EIF4G3: variants seen among roughly 807,000 people sequenced by gnomAD.
EIF4G3 encodes eIF-4-gamma 3.
In EIF4G3, 34 loss-of-function variants were observed where a neutral mutation model predicts 186.4. The observed-to-expected ratio is 0.18, with a 90% CI of 0.14 to 0.24. EIF4G3 has a LOEUF of 0.24. Among genes scored for constraint, EIF4G3 ranks in the 10% least tolerant of loss-of-function variants. The pLI, the probability that EIF4G3 is intolerant of heterozygous loss-of-function variation, is 1.00. For missense variants in EIF4G3, 1,536 were observed against 1,948.5 expected, an observed-to-expected ratio of 0.79 and a Z score of 3.99; for synonymous variants, 673 against 679.5, an observed-to-expected ratio of 0.99 and a Z score of 0.15.
intron 2 of EIF4G3, among the ~76,000 whole-genome samples, chr1:21,106,909 T>C (rs947949969): frequency 1.3e-5 from 2 of 152,182 alleles, no homozygotes; most frequent in Non-Finnish European, 2.9e-5. Flanking sequence ...TACACTCTAC[T>C]GTTGACACAT....
intron 2 of EIF4G3, among the ~76,000 whole-genome samples, chr1:21,137,720 C>G (rs994350700): frequency 2.7e-5 from 4 of 150,748 alleles, no homozygotes; most frequent in Non-Finnish European, 4.4e-5. Context: ...ACTCAGGAAG[C>G]TGAAGTGGGA....
At chr1:20,811,705 T>C (rs890430158) in intron 35 of EIF4G3, among the ~76,000 whole-genome samples, 2 of 152,214 alleles carry the variant, frequency 1.3e-5, no homozygotes, top group East Asian at 1.9e-4. Context: ...AGTGAGGTGA[T>C]AGATATGTTA....
chr1:21,122,957 G>A (rs967099678), intron 2 of EIF4G3, among the ~76,000 whole-genome samples: 4 of 152,126 alleles, frequency 2.6e-5, no homozygotes, highest in Admixed American at 2.6e-4. Flanking sequence ...TACACGGTTG[G>A]AACATGAATG....
At chr1:20,994,670 C>G (rs12131353) in intron 7 of EIF4G3, among the ~76,000 whole-genome samples, 48,206 of 146,110 alleles carry the variant, frequency 0.33, 8,669 homozygotes, top group Non-Finnish European at 0.41. Context: ...ACTCTTTCAC[C>G]CAGGCTGAGT....
chr1:21,135,434 G>A (rs141574114), intron 2 of EIF4G3, among the ~76,000 whole-genome samples: 1 of 152,236 alleles, frequency 6.6e-6, no homozygotes, highest in Non-Finnish European at 1.5e-5. Context: ...CTGGGAGGCA[G>A]AGGTTGCAAT....
chr1:20,958,141 A>C (rs558637680), intron 12 of EIF4G3, among the ~76,000 whole-genome samples: 1 of 152,324 alleles, frequency 6.6e-6, no homozygotes, highest in Admixed American at 6.5e-5. Flanking sequence ...CAGATATAAA[A>C]ACTGTCAACA....
At chr1:21,062,277 T>A (rs1423150219) in intron 3 of EIF4G3, among the ~76,000 whole-genome samples, 2 of 150,806 alleles carry the variant, frequency 1.3e-5, no homozygotes, top group African/African-American at 4.9e-5. Flanking sequence ...CCAGGCTGGC[T>A]TCAAACTCCT....
intron 21 of EIF4G3, 52 bp downstream of exon 21, chr1:20,865,064 A>G (rs1571883851): frequency 1.2e-6 from 2 of 1,601,488 alleles, no homozygotes; most frequent in Non-Finnish European, 8.5e-7. Flanking sequence ...TGAAATTTCT[A>G]CTTTACAGTG....
intron 35 of EIF4G3, 117 bp downstream of exon 35, chr1:20,813,041 G>T: frequency 1.4e-6 from 1 of 695,956 alleles, no homozygotes; most frequent in Non-Finnish European, 2.5e-6. Flanking sequence ...ACAGTGCACA[G>T]AAAAGTGAGC....
chr1:20,874,522 G>A (rs958227172), intron 20 of EIF4G3, among the ~76,000 whole-genome samples: 1 of 151,946 alleles, frequency 6.6e-6, no homozygotes, highest in African/African-American at 2.4e-5. Context: ...ATCACCCAGT[G>A]GATTTTCATT....
At position 20,808,326 on chromosome 1, in the gene EIF4G3, C is replaced by T. The variant is rs1490021851; in HGVS notation, c.4745-826G>A. On this transcript the variant is annotated intron_variant, in intron 36 of 36. Transcript: ENST00000602326. ...CTGCAAGTTTACTGTATTATTTTTA[C>T]AAAATTTGGGGGAAGGGAGAAAGGC... Among the ~76,000 whole-genome samples, 4 of 151,900 alleles carry T rather than the reference C, an allele frequency of 2.6e-5. No individual in the cohort carries two copies. The East Asian group carries it at 7.7e-4, about 29-fold the overall frequency.
At chr1:20,827,872 A>G (rs1191172164) in intron 31 of EIF4G3, among the ~76,000 whole-genome samples, 174 bp from the exon 32 acceptor site, 1 of 152,026 alleles carries the variant, frequency 6.6e-6, no homozygotes, top group Non-Finnish European at 1.5e-5. Flanking sequence ...CTGAAAAGGT[A>G]CATGTGAGTT....
At chr1:21,071,934 CA>C (rs1265219053) in intron 3 of EIF4G3, among the ~76,000 whole-genome samples, 2 of 151,960 alleles carry the variant, frequency 1.3e-5, no homozygotes, top group Non-Finnish European at 2.9e-5. Flanking sequence ...CATAAAGTGA[CA>C]ATAATCTACA....
In EIF4G3 at chr1:20,865,232, T is replaced by C. The variant is rs764637532; in HGVS notation, c.2653A>G (p.Asn885Asp). The part of the protein sequence containing the change: ...LKVPMADKPG[N>D]TVNFRKLLLN... The stretch of plus-strand genomic sequence containing the variant: ...AGCAGCTTCCGGAAATTCACTGTGT[T>C]ACCAGGCTTGTCTGCCATGGGTACT... The change falls in exon 21 of 37, where the codon AAC becomes GAC. Residue 885 changes from asparagine (N) to aspartate (D), a missense_variant. By Grantham distance (23) the Asn-to-Asp change is conservative. This residue lies in a region of EIF4G3 where 77 missense variants were observed against 131.6 expected (regional missense o/e 0.59). Coordinates refer to ENST00000602326, the MANE Select transcript of EIF4G3 (RefSeq NM_001391906.1). 5.0e-6 allele frequency: 8 copies of C among 1,614,144 alleles called. No individual in the cohort carries two copies. The Admixed American group carries it at 1.3e-4, about 27-fold the overall frequency.
At chr1:21,031,077 T>C (rs765617025) in intron 4 of EIF4G3, among the ~76,000 whole-genome samples, 1 of 151,806 alleles carries the variant, frequency 6.6e-6, no homozygotes, top group Non-Finnish European at 1.5e-5. Flanking sequence ...TCCCAGCTAT[T>C]TGGGTGGCTG....
At position 20,865,282 on chromosome 1, in the gene EIF4G3, TA is replaced by T. The variant is rs745499119; in HGVS notation, c.2623-21del. 107 of 1,602,514 alleles carry T rather than the reference TA, an allele frequency of 6.7e-5. No homozygotes were observed. The highest frequency in any genetic ancestry group is 8.2e-5 in the Non-Finnish European group (96 of 1,176,724). On this transcript the variant is annotated intron_variant, in intron 20 of 36. Coordinates refer to ENST00000602326, the MANE Select transcript of EIF4G3 (RefSeq NM_001391906.1). ...TTTCAGCTACATCCAGACAGGAAAA[TA>T]AAAAAAATCAACAAGATTACTTAAA...
At chr1:21,172,892 G>A (rs1558305114) in intron 2 of EIF4G3, among the ~76,000 whole-genome samples, 1 of 150,754 alleles carries the variant, frequency 6.6e-6, no homozygotes, top group African/African-American at 2.4e-5. Context: ...TGTAATCCCA[G>A]CACTTTGGGA....
chr1:21,085,908 G>A (rs2095955493), intron 3 of EIF4G3, among the ~76,000 whole-genome samples: 1 of 152,072 alleles, frequency 6.6e-6, no homozygotes, highest in Admixed American at 6.6e-5. Context: ...TGGCCAGGAT[G>A]GTCTCAATCT....
intron 3 of EIF4G3, among the ~76,000 whole-genome samples, chr1:21,087,614 A>G (rs2096031257): frequency 6.6e-6 from 1 of 151,008 alleles, no homozygotes; most frequent in Non-Finnish European, 1.5e-5. Context: ...GCAACATCAT[A>G]AAACCTTGCC....
Sources: gnomAD v4.1 joint callset for allele counts (sites outside exome capture counted in the v4.1 genomes callset) on GRCh38, gnomAD v4.1.1 for gene constraint, gnomAD v4.1.1 regional missense constraint, MANE v1.5 for transcripts, NCBI Gene and HGNC (gene_info 2026-07-23, HGNC 2026-07-21) for gene names.